Variants in BBX observed in about 807,000 individuals in gnomAD.
BBX encodes HMG box transcription factor BBX.
Under a neutral mutation model 100.2 loss-of-function variants are expected in BBX, and 30 were observed. That is an observed-to-expected ratio of 0.30 (90% CI 0.22 to 0.41). BBX has a LOEUF of 0.41. BBX is among the 10% of genes least tolerant of loss of function. The probability of loss-of-function intolerance (pLI) is 1.00; values close to 1 mark genes in which losing one functional copy is unlikely to be tolerated. For synonymous variants in BBX, 376 were observed against 388.1 expected, an observed-to-expected ratio of 0.97 and a Z score of 0.37; for missense variants, 1,023 against 1,129.8, an observed-to-expected ratio of 0.91 and a Z score of 1.35.
chr3:107,542,851 A>G (rs2048956186), intron 2 of BBX, among the ~76,000 whole-genome samples: 1 of 152,090 alleles, frequency 6.6e-6, no homozygotes, highest in Non-Finnish European at 1.5e-5. Context: ...ACCACTCCAC[A>G]ATGCATGGAC....
chr3:107,629,116 C>G (rs536528626), intron 2 of BBX, among the ~76,000 whole-genome samples: 1 of 152,248 alleles, frequency 6.6e-6, no homozygotes, highest in African/African-American at 2.4e-5. Context: ...TTGTACTCAG[C>G]TTGCAGAGCT....
intron 3 of BBX, among the ~76,000 whole-genome samples, chr3:107,687,577 A>T (rs2059920814): frequency 6.6e-6 from 1 of 152,100 alleles, no homozygotes; most frequent in Non-Finnish European, 1.5e-5. Flanking sequence ...GACTCTCCAC[A>T]GTTTTTCAGC....
chr3:107,659,944 G>A (rs1363853064), intron 3 of BBX, among the ~76,000 whole-genome samples: 1 of 152,130 alleles, frequency 6.6e-6, no homozygotes, highest in African/African-American at 2.4e-5. Flanking sequence ...TAATAGCTCT[G>A]TCTTAACTGG....
intron 3 of BBX, chr3:107,677,286 G>T: frequency 6.6e-6 from 1 of 152,068 alleles, no homozygotes; most frequent in Non-Finnish European, 1.5e-5. Context: ...TTGGTATTTT[G>T]CTTTGGTAGG....
intron 2 of BBX, among the ~76,000 whole-genome samples, chr3:107,556,964 T>C (rs181648887): frequency 3.5e-4 from 54 of 152,322 alleles, no homozygotes; most frequent in Middle Eastern, 3.4e-3. Context: ...ATCTTAAAAG[T>C]CCATGTGAAT....
chr3:107,719,463 C>T (rs73850132), intron 5 of BBX, among the ~76,000 whole-genome samples: 2,033 of 151,962 alleles, frequency 0.013, 50 homozygotes, highest in African/African-American at 0.046. Context: ...TGAAAATTTC[C>T]TCTGACCCCT....
intron 2 of BBX, among the ~76,000 whole-genome samples, chr3:107,614,875 T>C (rs2055135566): frequency 6.6e-6 from 1 of 152,260 alleles, no homozygotes; most frequent in East Asian, 1.9e-4. Context: ...TCAGAATACC[T>C]TGGAGAAACT....
rs534076112 is a variant in BBX, at chr3:107,698,044, C to T, written c.-9-12408C>T. Among the ~76,000 whole-genome samples the T allele has an allele frequency of 3.3e-5, 5 of 151,934 alleles. 1 individual carries two copies. The East Asian group carries it at 9.7e-4, about 29-fold the overall frequency. On this transcript the variant is annotated intron_variant, in intron 3 of 17. Transcript: ENST00000325805. ...CTTCCCGAGTGAGGCAATGCCTCGCCCTGCTTTGGCTCGTGCACGGTGCGC... is the reference window on the plus strand; with the variant it reads ...CTTCCCGAGTGAGGCAATGCCTCGCTCTGCTTTGGCTCGTGCACGGTGCGC...
chr3:107,716,880 C>T, intron 5 of BBX, 31 bp downstream of exon 5: 12 of 1,604,048 alleles, frequency 7.5e-6, no homozygotes, highest in Non-Finnish European at 1.0e-5. Flanking sequence ...ATTCTGATAG[C>T]TAAAAGCAAC....
At chr3:107,675,444 A>G (rs1285286167) in intron 3 of BBX, among the ~76,000 whole-genome samples, 1 of 152,232 alleles carries the variant, frequency 6.6e-6, no homozygotes, top group South Asian at 2.1e-4. Flanking sequence ...TTCTCACTTC[A>G]ATAACTGATG....
At position 107,702,101 on chromosome 3, in the gene BBX, T is replaced by C. The variant is rs536606498; in HGVS notation, c.-9-8351T>C. Among the ~76,000 whole-genome samples, 37 of 152,292 alleles carry C rather than the reference T, an allele frequency of 2.4e-4. 2 individuals carry two copies. The South Asian group carries it at 5.2e-3, about 21-fold the overall frequency. ...AACCTGAGATTGAAAACTTTTGTAG[T>C]AGGGTCAGAACACAGGAGCAGCCAG... On this transcript the variant is annotated intron_variant, in intron 3 of 17. Transcript: ENST00000325805.
chr3:107,545,655 C>G (rs1232313892), intron 2 of BBX, among the ~76,000 whole-genome samples: 1 of 152,094 alleles, frequency 6.6e-6, no homozygotes, highest in Non-Finnish European at 1.5e-5. Context: ...GAGTTATTTT[C>G]TTAACAAGAG....
chr3:107,772,300 G>A (rs1276269211), intron 10 of BBX, among the ~76,000 whole-genome samples: 1 of 152,108 alleles, frequency 6.6e-6, no homozygotes, highest in Non-Finnish European at 1.5e-5. Flanking sequence ...TTAATAAGTA[G>A]CAAAACTAAG....
chr3:107,528,900 A>G (rs968645605), intron 2 of BBX, among the ~76,000 whole-genome samples: 3 of 152,200 alleles, frequency 2.0e-5, no homozygotes, highest in African/African-American at 4.8e-5. Flanking sequence ...GTTTTCTTAC[A>G]TTTCATAAAG....
chr3:107,632,772 A>G lies in BBX; in HGVS notation c.-83-13064A>G, dbSNP rs545807575. Among the ~76,000 whole-genome samples the G allele has an allele frequency of 2.0e-5, 3 of 152,354 alleles. No individual in the cohort carries two copies. The East Asian group carries it at 5.8e-4, about 29-fold the overall frequency. ...TCTGGGGTGCATTCTCTACCCTGCAAGGTCAGCTAAAAATATGCTGAAAAG... is the reference window on the plus strand; with the variant it reads ...TCTGGGGTGCATTCTCTACCCTGCAGGGTCAGCTAAAAATATGCTGAAAAG... On this transcript the variant is annotated intron_variant, in intron 2 of 17. Coordinates refer to ENST00000325805, the MANE Select transcript of BBX (RefSeq NM_001142568.3).
chr3:107,570,446 C>T (rs964314192), intron 2 of BBX, among the ~76,000 whole-genome samples: 3 of 152,118 alleles, frequency 2.0e-5, no homozygotes, highest in Non-Finnish European at 4.4e-5. Flanking sequence ...TGCTACCAAA[C>T]AAGCCATGAA....
chr3:107,699,524 T>C (rs936894397), intron 3 of BBX, among the ~76,000 whole-genome samples: 2 of 152,006 alleles, frequency 1.3e-5, no homozygotes, highest in African/African-American at 4.8e-5. Context: ...AGATATTTGT[T>C]GAAAATTAAA....
intron 3 of BBX, among the ~76,000 whole-genome samples, chr3:107,675,104 A>G (rs2059214697): frequency 6.6e-6 from 1 of 152,202 alleles, no homozygotes. Flanking sequence ...TAACTATACC[A>G]TAAATGGTGT....
rs2071185770 is a variant in BBX at position 107,808,972 on chromosome 3, CTA to C, written c.*3517_*3518del. The C allele has an allele frequency of 6.6e-6, 1 of 152,168 alleles. No individual in the cohort carries two copies. The highest frequency in any genetic ancestry group is 2.4e-5 in the African/African-American group (1 of 41,438). The allele number at this position is 152,168 out of a possible 1,614,324, so 9.4% of individuals were successfully genotyped here. A position where few individuals can be genotyped will look rare whatever the true frequency, so the allele number is the denominator to read the frequency against. ...GGAGAAACAAAATAATGATGGAACA[CTA>C]TGAACAAAAAGGAGCATCTGAACTG... On this transcript the variant is annotated 3_prime_UTR_variant, in exon 18 of 18. Transcript: ENST00000325805.
Sources: allele counts gnomAD v4.1 joint callset (sites outside exome capture counted in the v4.1 genomes callset), GRCh38; gene constraint gnomAD v4.1.1; transcripts MANE v1.5; gene names NCBI Gene and HGNC (gene_info 2026-07-23, HGNC 2026-07-21).